The following ACSBG2 variants were observed in gnomAD, a reference collection of about 807,000 sequenced individuals.
The protein encoded by ACSBG2 is acyl-CoA synthetase bubblegum family member 2, also known as long-chain-fatty-acid--CoA ligase ACSBG2.
In ACSBG2, 62 loss-of-function variants were observed where a neutral mutation model predicts 74.7. The ratio of observed to expected loss-of-function variants is 0.83; its 90% CI spans 0.68 to 1.03. The LOEUF is 1.03. Among genes scored for constraint, ACSBG2 ranks in the 50% least tolerant of loss-of-function variants. The probability of loss-of-function intolerance (pLI) is 0.00; values close to 1 mark genes in which losing one functional copy is unlikely to be tolerated. For missense variants in ACSBG2, 730 were observed against 817.6 expected (o/e 0.89, Z 1.31); for synonymous variants, 309 against 294.1 (o/e 1.05, Z -0.52).
At chr19:6,167,867 C>G (rs977773483) in intron 7 of ACSBG2, among the ~76,000 whole-genome samples, 1 of 152,188 alleles carries the variant, frequency 6.6e-6, no homozygotes, top group Admixed American at 6.5e-5. Flanking sequence ...TTGTATGATG[C>G]ATGATAGAGA....
At position 6,156,374 on chromosome 19, in the gene ACSBG2, C is replaced by T. The variant is rs1195655724; in HGVS notation, c.387-57C>T. 3 of 1,518,888 alleles carry T rather than the reference C, an allele frequency of 2.0e-6. No homozygotes were observed. The East Asian group carries it at 7.8e-5, about 39-fold the overall frequency. The allele number at this position is 1,518,888 out of a possible 1,614,324, so 94.1% of individuals were successfully genotyped here. On this transcript the variant is annotated intron_variant, in intron 4 of 14. Transcript: ENST00000588485. ...CTTTCCTCTCTTTTGACCTTCCAGA[C>T]CATTCTGCCTTTAAGGTGTGTGTGG...
intron 14 of ACSBG2, 106 bp downstream of exon 14, chr19:6,190,798 CATACACACATACAT>C (rs1396813654): frequency 7.2e-6 from 4 of 557,798 alleles, no homozygotes; most frequent in South Asian, 1.8e-5. Context: ...AAAACACACA[CATACACACATACAT>C]ACACACACAC....
intron 5 of ACSBG2, among the ~76,000 whole-genome samples, chr19:6,160,313 C>A (rs2089562528): frequency 6.6e-6 from 1 of 150,960 alleles, no homozygotes; most frequent in African/African-American, 2.4e-5. Flanking sequence ...TGGCATGAAC[C>A]CAGGAGGCGG....
intron 4 of ACSBG2, among the ~76,000 whole-genome samples, chr19:6,152,296 T>TGTAGAGATGG: frequency 1.4e-5 from 1 of 70,124 alleles, no homozygotes; most frequent in African/African-American, 4.1e-5. Context: ...TTTTTTTTTT[T>TGTAGAGATGG]TTTTTGAGAC....
rs569777651 is a variant in ACSBG2 at position 6,174,601 on chromosome 19, G to T, written c.739-2628G>T. Among the ~76,000 whole-genome samples, 2 of 152,284 alleles carry T rather than the reference G, an allele frequency of 1.3e-5. No individual in the cohort carries two copies. Among genetic ancestry groups the T allele is most frequent in the East Asian group, 3.9e-4 (2 of 5,182 alleles). On this transcript the variant is annotated intron_variant, in intron 7 of 14. Transcript: ENST00000588485. The surrounding 1 kb of genome is among the most constrained non-coding windows in gnomAD (Gnocchi z 4.2). ...AGACAGGAGGATTGCTTGAAGCCAGGATTGTTTGAGAGAAGGCTGGGAAAC... is the reference window on the plus strand; with the variant it reads ...AGACAGGAGGATTGCTTGAAGCCAGTATTGTTTGAGAGAAGGCTGGGAAAC...
intron 4 of ACSBG2, among the ~76,000 whole-genome samples, chr19:6,153,927 G>A: frequency 1.5e-5 from 1 of 66,588 alleles, no homozygotes; most frequent in African/African-American, 3.7e-5. Flanking sequence ...GAAAAGAAAA[G>A]AAGGAAGGAA....
At chr19:6,164,796 A>T (rs1217251416) in intron 6 of ACSBG2, among the ~76,000 whole-genome samples, 1 of 152,154 alleles carries the variant, frequency 6.6e-6, no homozygotes, top group African/African-American at 2.4e-5. Flanking sequence ...TCAATGGTAG[A>T]ATTTCTGCAG....
chr19:6,147,614 A>T lies in ACSBG2; in HGVS notation c.236A>T (p.Glu79Val), dbSNP rs780212769. The T allele has an allele frequency of 6.2e-7, 1 of 1,614,226 alleles. No individual in the cohort carries two copies. Among genetic ancestry groups the T allele is most frequent in the South Asian group, 1.1e-5 (1 of 91,088 alleles). ...GCATCCAAGAATGGCAAAAAGTGGGAAATTCTGAATTTCAACCAGTACTAT... is the reference window on the plus strand; with the variant it reads ...GCATCCAAGAATGGCAAAAAGTGGGTAATTCTGAATTTCAACCAGTACTAT... ...ALASKNGKKW[E>V]ILNFNQYYEA... Residue 79 changes from glutamate to valine, a missense_variant, in exon 3 of 15, where the codon GAA becomes GTA. Physicochemically the swap from Glu to Val is moderately radical, Grantham distance 121. Coordinates refer to ENST00000588485, the MANE Select transcript of ACSBG2 (RefSeq NM_030924.5).
Position 6,138,150 on chromosome 19 carries a change from T to C in ACSBG2, c.-32+2241T>C, listed in dbSNP as rs143042547. On this transcript the variant is annotated intron_variant, in intron 1 of 14. Coordinates refer to ENST00000588485, the MANE Select transcript of ACSBG2 (RefSeq NM_030924.5). ...GTGTGTTCTTTCATGCATGAATCCT[T>C]TGGCAACAAGGATTCCTTTCTCTAA... Among the ~76,000 whole-genome samples, 5 of 152,294 alleles carry C rather than the reference T, an allele frequency of 3.3e-5. No homozygotes were observed. The East Asian group carries it at 5.8e-4, about 18-fold the overall frequency.
In ACSBG2 at chr19:6,149,627, T is replaced by C. The variant is rs923273534; in HGVS notation, c.297+1952T>C. On this transcript the variant is annotated intron_variant, in intron 3 of 14. Coordinates refer to ENST00000588485, the MANE Select transcript of ACSBG2 (RefSeq NM_030924.5). Reference sequence around the variant, plus strand: ...GTTCAAGCAATTCTCCTGCCTCAGCTTCCCAAGTAGCTGGGACTACAGGCA... The same window carrying C: ...GTTCAAGCAATTCTCCTGCCTCAGCCTCCCAAGTAGCTGGGACTACAGGCA... Among the ~76,000 whole-genome samples the C allele has an allele frequency of 3.3e-5, 5 of 151,808 alleles. No individual in the cohort carries two copies. The South Asian group carries it at 1.0e-3, about 32-fold the overall frequency.
chr19:6,177,313 C>A lies in ACSBG2; in HGVS notation c.823C>A (p.His275Asn). Residue 275 changes from histidine to asparagine, a missense_variant, in exon 8 of 15, where the codon CAT becomes AAT. By Grantham distance (68) the His-to-Asn change is moderately conservative. Transcript: ENST00000588485. Reference protein sequence around the residue: ...ETVVSYLPLSHIAAQMMDIWV... With the variant: ...ETVVSYLPLSNIAAQMMDIWV... Reference sequence around the variant, plus strand: ...GGTGGTTAGCTACCTCCCACTCAGCCATATTGCAGCACAGATGATGGACAT... The same window carrying A: ...GGTGGTTAGCTACCTCCCACTCAGCAATATTGCAGCACAGATGATGGACAT... 2 of 1,613,914 alleles carry A rather than the reference C, an allele frequency of 1.2e-6. No individual in the cohort carries two copies. Among genetic ancestry groups the A allele is most frequent in the Non-Finnish European group, 1.7e-6 (2 of 1,179,982 alleles).
At chr19:6,190,400 G>A in intron 13 of ACSBG2, 184 bp from the exon 14 acceptor site, 1 of 567,200 alleles carries the variant, frequency 1.8e-6, no homozygotes, top group East Asian at 3.1e-5. Context: ...CACCACAGCT[G>A]AAGGATCACA....
At chr19:6,136,085 C>T (rs1005507845) in intron 1 of ACSBG2, among the ~76,000 whole-genome samples, 176 bp downstream of exon 1, 15 of 151,840 alleles carry the variant, frequency 9.9e-5, no homozygotes, top group Non-Finnish European at 1.9e-4. Context: ...AGATTACAGG[C>T]GCCTGCCACC....
At chr19:6,156,311 G>C in intron 4 of ACSBG2, 120 bp from the exon 5 acceptor site, 1 of 1,072,970 alleles carries the variant, frequency 9.3e-7, no homozygotes, top group Non-Finnish European at 1.3e-6. Flanking sequence ...AAGGGAAGCT[G>C]GTGCTGTGGC....
At chr19:6,149,657 C>G (rs868526731) in intron 3 of ACSBG2, among the ~76,000 whole-genome samples, 2 of 152,184 alleles carry the variant, frequency 1.3e-5, no homozygotes, top group African/African-American at 4.8e-5. Context: ...CAGGCAGGTG[C>G]TGCCACGCCC....
chr19:6,147,739 A>C (rs971431255), intron 3 of ACSBG2, 64 bp downstream of exon 3: 3 of 1,508,444 alleles, frequency 2.0e-6, no homozygotes, highest in Non-Finnish European at 2.8e-6. Flanking sequence ...ACAGACATAC[A>C]TACATGTGGT....
chr19:6,187,699 A>C lies in ACSBG2; in HGVS notation c.1781A>C (p.Glu594Ala). ...GGCAGCCAGGCATCCACCGTGACTG[A>C]GATTGTGAAGCAGCAAGACCCCCTG... ...GLGSQASTVT[E>A]IVKQQDPLVY... The change falls in exon 13 of 15, where the codon GAG (glutamate) becomes GCG (alanine). Residue 594 changes from glutamate to alanine, a missense_variant. By Grantham distance (107) the Glu-to-Ala change is moderately radical. Transcript: ENST00000588485. 1 of 1,614,118 alleles carries C rather than the reference A, an allele frequency of 6.2e-7. No individual in the cohort carries two copies. Among genetic ancestry groups the C allele is most frequent in the African/African-American group, 1.3e-5 (1 of 75,008 alleles).
At chr19:6,168,040 G>T (rs2089861683) in intron 7 of ACSBG2, among the ~76,000 whole-genome samples, 1 of 133,204 alleles carries the variant, frequency 7.5e-6, no homozygotes, top group African/African-American at 2.8e-5. Context: ...CCTGAGTCAA[G>T]TCCCAATCCT....
chr19:6,161,078 C>T lies in ACSBG2; in HGVS notation c.508-137C>T, dbSNP rs148369033. 3,640 of 575,438 alleles carry T rather than the reference C, an allele frequency of 6.3e-3. 128 individuals are homozygous for T. The highest frequency in any genetic ancestry group is 0.063 in the African/African-American group (3,161 of 50,072). The allele number at this position is 575,438 out of a possible 1,614,324, so 35.6% of individuals were successfully genotyped here. A position where few individuals can be genotyped will look rare whatever the true frequency, so the allele number is the denominator to read the frequency against. On this transcript the variant is annotated intron_variant, in intron 5 of 14. Transcript: ENST00000588485. ...TTGGGCCAATGCACTCCAGCCTGGG[C>T]GACAGAGCAAGACTGTGTCTCAAAA...
Sources: gnomAD v4.1 joint callset for allele counts (sites outside exome capture counted in the v4.1 genomes callset) on GRCh38, gnomAD v4.1.1 for gene constraint, Gnocchi (gnomAD v3.1) non-coding constraint, MANE v1.5 for transcripts, NCBI Gene and HGNC (gene_info 2026-07-23, HGNC 2026-07-21) for gene names.